PLAGL1: variants seen among roughly 807,000 people sequenced by gnomAD.
PLAGL1 encodes the protein PLAG1 like zinc finger 1.
A neutral mutation model predicts 4.6 loss-of-function variants in PLAGL1; 1 was observed. That is an observed-to-expected ratio of 0.22 (90% CI 0.08 to 1.03). The LOEUF (loss-of-function observed/expected upper bound fraction) is 1.03. PLAGL1 is among the 50% of genes least tolerant of loss of function. PLAGL1 has a pLI of 0.58. For missense variants in PLAGL1, 464 were observed against 570.4 expected (o/e 0.81, Z 1.90); for synonymous variants, 240 against 237.8 (o/e 1.01, Z -0.08).
chr6:144,058,455 A>G (rs1799151990), intron 1 of PLAGL1, among the ~76,000 whole-genome samples: 1 of 152,032 alleles, frequency 6.6e-6, no homozygotes, highest in South Asian at 2.1e-4. Context: ...CAGCCCCCCA[A>G]ATCTCATGTC....
Position 143,994,341 on chromosome 6 carries a change from T to C in PLAGL1, c.-583-9167A>G, listed in dbSNP as rs188400050. Among the ~76,000 whole-genome samples, 3 of 152,228 alleles carry C rather than the reference T, an allele frequency of 2.0e-5. No individual in the cohort carries two copies. Among genetic ancestry groups the C allele is most frequent in the African/African-American group, 7.2e-5 (3 of 41,450 alleles). On this transcript the variant is annotated intron_variant, in intron 1 of 7. Coordinates refer to ENST00000674357, the MANE Select transcript of PLAGL1 (RefSeq NM_001317162.2). This position sits in a 1 kb window ranked among gnomAD's most constrained non-coding sequence, Gnocchi z 4.3. ...CTTCACAGTGCATGGGATGTCCACA[T>C]GTTCTGCACTGTGTCATCTGAGAAT... is the stretch of plus-strand genomic sequence containing the variant.
Position 144,027,416 on chromosome 6 carries a change from G to A in PLAGL1, c.-151+37052C>T, listed in dbSNP as rs1042425714. On this transcript the variant is annotated intron_variant, in intron 1 of 3. Coordinates refer to the PLAGL1 transcript ENST00000437412. The surrounding 1 kb of genome is among the most constrained non-coding windows in gnomAD (Gnocchi z 5.8). ...TACAATCCCATGAGAAACAGCTAGGGAAGAAGAGAAAACAGGACAAACTAG... is the reference window on the plus strand; with the variant it reads ...TACAATCCCATGAGAAACAGCTAGGAAAGAAGAGAAAACAGGACAAACTAG... 5.9e-5 allele frequency among the ~76,000 whole-genome samples: 9 copies of A among 152,112 alleles called. No individual in the cohort carries two copies. The highest frequency in any genetic ancestry group is 2.2e-4 in the African/African-American group (9 of 41,432).
At chr6:143,956,941 G>A (rs1324949243) in intron 6 of PLAGL1, among the ~76,000 whole-genome samples, 1 of 152,182 alleles carries the variant, frequency 6.6e-6, no homozygotes, top group Non-Finnish European at 1.5e-5. Context: ...TTCCACCACT[G>A]GCCTTCCTCA....
rs1554277699 is a variant in PLAGL1, at chr6:144,027,242, A to AGAACGAACGAAC, written c.-151+37225_-151+37226insGTTCGTTCGTTC. On this transcript the variant is annotated intron_variant, in intron 1 of 3. Coordinates refer to the PLAGL1 transcript ENST00000437412. The surrounding 1 kb of genome is among the most constrained non-coding windows in gnomAD (Gnocchi z 5.8). ...CCAACTCAAAGAACGAACGAAAGAA[A>AGAACGAACGAAC]GAAAGAAAGAAAGAAAGAAAGAAAG... Among the ~76,000 whole-genome samples, 4 of 86,164 alleles carry AGAACGAACGAAC rather than the reference A, an allele frequency of 4.6e-5. No homozygotes were observed. Among genetic ancestry groups the AGAACGAACGAAC allele is most frequent in the Non-Finnish European group, 1.0e-4 (4 of 38,586 alleles). The allele number at this position is 86,164 out of a possible 152,430, so 56.5% of individuals were successfully genotyped here.
Position 143,990,380 on chromosome 6 carries a change from A to C in PLAGL1, c.-583-5206T>G, listed in dbSNP as rs1167412914. Among the ~76,000 whole-genome samples the C allele has an allele frequency of 6.6e-6, 1 of 152,186 alleles. No individual in the cohort carries two copies. The highest frequency in any genetic ancestry group is 1.5e-5 in the Non-Finnish European group (1 of 68,030). On this transcript the variant is annotated intron_variant, in intron 1 of 7. Transcript: ENST00000674357. The surrounding 1 kb of genome is among the most constrained non-coding windows in gnomAD (Gnocchi z 5.4). ...GGGATCCGCCCGCCTTGGCCTCCCAAAGTGCAGGGATTACAGGTGTGAGCC... is the reference window on the plus strand; with the variant it reads ...GGGATCCGCCCGCCTTGGCCTCCCACAGTGCAGGGATTACAGGTGTGAGCC...
rs1364212379 is a variant in PLAGL1 at position 143,957,083 on chromosome 6, CTCTTGGA to C, written c.-325+3379_-325+3385del. Among the ~76,000 whole-genome samples the C allele has an allele frequency of 1.3e-5, 2 of 152,264 alleles. No individual in the cohort carries two copies. The highest frequency in any genetic ancestry group is 3.8e-4 in the East Asian group (2 of 5,204). On this transcript the variant is annotated intron_variant, in intron 6 of 7. Transcript: ENST00000674357. The surrounding 1 kb of genome is among the most constrained non-coding windows in gnomAD (Gnocchi z 4.2). ...GGAGGAAAAGAAATATTGTTGCAGA[CTCTTGGA>C]TCTTTGACAGGCCTCCTCACCTCTC...
In PLAGL1 at chr6:143,957,498, C is replaced by T. The variant is rs1029395196; in HGVS notation, c.-325+2971G>A. ...TAGGGTCTGCTTCTATAGCTGATGG[C>T]GGTGATCTCTTTTCCTGGGACTCTT... On this transcript the variant is annotated intron_variant, in intron 6 of 7. Transcript: ENST00000674357. The surrounding 1 kb of genome is among the most constrained non-coding windows in gnomAD (Gnocchi z 4.2). Among the ~76,000 whole-genome samples the T allele has an allele frequency of 6.6e-5, 10 of 152,150 alleles. No homozygotes were observed. The highest frequency in any genetic ancestry group is 1.0e-4 in the Non-Finnish European group (7 of 68,028).
chr6:144,010,576 ACTTT>A (rs536036930), upstream of PLAGL1, among the ~76,000 whole-genome samples: 4 of 152,326 alleles, frequency 2.6e-5, no homozygotes, highest in South Asian at 8.3e-4. The surrounding 1 kb of genome is among the most constrained non-coding windows in gnomAD (Gnocchi z 4.1). Flanking sequence ...GCTACCATTG[ACTTT>A]CTTCACAGAA....
At position 144,027,230 on chromosome 6, in the gene PLAGL1, C is replaced by CGAAAGAAA. The variant is rs761735778; in HGVS notation, c.-151+37237_-151+37238insTTTCTTTC. ...CAGAGAAAGACCCCAACTCAAAGAACGAACGAAAGAAAGAAAGAAAGAAAG... is the reference window on the plus strand; with the variant it reads ...CAGAGAAAGACCCCAACTCAAAGAACGAAAGAAAGAACGAAAGAAAGAAAGAAAGAAAG... On this transcript the variant is annotated intron_variant, in intron 1 of 3. Transcript: ENST00000437412. The surrounding 1 kb of genome is among the most constrained non-coding windows in gnomAD (Gnocchi z 5.8). Among the ~76,000 whole-genome samples the CGAAAGAAA allele has an allele frequency of 0.03, 2,976 of 98,572 alleles. 75 individuals are homozygous for CGAAAGAAA. The highest frequency in any genetic ancestry group is 0.056 in the African/African-American group (1,329 of 23,938). The allele number at this position is 98,572 out of a possible 152,430, so 64.7% of individuals were successfully genotyped here. A position where few individuals can be genotyped will look rare whatever the true frequency, so the allele number is the denominator to read the frequency against.
At chr6:144,026,324 A>C (rs2128703159) in intron 1 of PLAGL1, among the ~76,000 whole-genome samples, 1 of 152,346 alleles carries the variant, frequency 6.6e-6, no homozygotes, top group South Asian at 2.1e-4. Context: ...TAAATCTTAG[A>C]GAAAAGATTT....
intron 7 of PLAGL1, among the ~76,000 whole-genome samples, chr6:143,944,960 T>G (rs1387203100): frequency 6.6e-6 from 1 of 152,122 alleles, no homozygotes; most frequent in Non-Finnish European, 1.5e-5. Context: ...TCCTACGCAC[T>G]CTTTCCTGTC....
chr6:144,062,091 T>G (rs1226701752), intron 1 of PLAGL1, among the ~76,000 whole-genome samples: 2 of 152,072 alleles, frequency 1.3e-5, no homozygotes, highest in Non-Finnish European at 2.9e-5. Flanking sequence ...AAAACAGACA[T>G]CATGGGCCGG....
rs1356973306 is a variant in PLAGL1, at chr6:143,975,282, T to A, written c.-543-6304A>T. Among the ~76,000 whole-genome samples, 1 of 152,222 alleles carries A rather than the reference T, an allele frequency of 6.6e-6. No individual in the cohort carries two copies. The highest frequency in any genetic ancestry group is 1.5e-5 in the Non-Finnish European group (1 of 68,026). On this transcript the variant is annotated intron_variant, in intron 2 of 7. Transcript: ENST00000674357. The surrounding 1 kb of genome is among the most constrained non-coding windows in gnomAD (Gnocchi z 5.8). ...AGGCCAATGGGTTGTACCACTTCCA[T>A]TCAATGAGGTAGTTGCTTAAGAGTA... is the stretch of plus-strand genomic sequence containing the variant.
rs1001143260 is a variant in PLAGL1 at position 143,962,149 on chromosome 6, A to G, written c.-398-1607T>C. Among the ~76,000 whole-genome samples, 2 of 152,174 alleles carry G rather than the reference A, an allele frequency of 1.3e-5. No homozygotes were observed. The highest frequency in any genetic ancestry group is 4.8e-5 in the African/African-American group (2 of 41,412). On this transcript the variant is annotated intron_variant, in intron 5 of 7. Coordinates refer to ENST00000674357, the MANE Select transcript of PLAGL1 (RefSeq NM_001317162.2). The surrounding 1 kb of genome is among the most constrained non-coding windows in gnomAD (Gnocchi z 5.3). ...CGCCAGTCTAATGCTTAAATAGTTA[A>G]CAATGCAACAGAGAGCCCAAGGCAG...
At chr6:144,032,265 C>T (rs182782124) in intron 1 of PLAGL1, among the ~76,000 whole-genome samples, 1 of 149,376 alleles carries the variant, frequency 6.7e-6, no homozygotes, top group African/African-American at 2.5e-5. Context: ...AGACTCCAGG[C>T]ATGTGCCACC....
intron 7 of PLAGL1, among the ~76,000 whole-genome samples, chr6:143,946,227 C>G (rs1424501257): frequency 6.6e-6 from 1 of 152,222 alleles, no homozygotes; most frequent in Non-Finnish European, 1.5e-5. Context: ...CGGACCCGTG[C>G]AGCTCAAACT....
At chr6:144,010,415 C>G (rs1278966482), upstream of PLAGL1, among the ~76,000 whole-genome samples, 2 of 152,114 alleles carry the variant, frequency 1.3e-5, no homozygotes, top group Non-Finnish European at 2.9e-5. This position sits in a 1 kb window ranked among gnomAD's most constrained non-coding sequence, Gnocchi z 4.1. Context: ...AGGACCTCTT[C>G]AAGGAGAACT....
At chr6:144,042,688 T>C (rs1202632357) in intron 1 of PLAGL1, among the ~76,000 whole-genome samples, 3 of 152,204 alleles carry the variant, frequency 2.0e-5, no homozygotes, top group Non-Finnish European at 1.5e-5. Flanking sequence ...AACTTTAAAG[T>C]GGTTTTTTCC....
chr6:144,034,272 A>G lies in PLAGL1; in HGVS notation c.-151+30196T>C, dbSNP rs1050374980. ...TCTCTAGCTGCCAAGGCCCAGGCTG[A>G]CAACCCCCCAACCACACCACACCCT... On this transcript the variant is annotated intron_variant, in intron 1 of 3. Coordinates refer to the PLAGL1 transcript ENST00000437412. This position sits in a 1 kb window ranked among gnomAD's most constrained non-coding sequence, Gnocchi z 4.7. Among the ~76,000 whole-genome samples, 11 of 152,060 alleles carry G rather than the reference A, an allele frequency of 7.2e-5. No homozygotes were observed. Among genetic ancestry groups the G allele is most frequent in the Admixed American group, 3.3e-4 (5 of 15,272 alleles).
Sources: allele counts gnomAD v4.1 joint callset (sites outside exome capture counted in the v4.1 genomes callset), GRCh38; gene constraint gnomAD v4.1.1; non-coding constraint Gnocchi (gnomAD v3.1); transcripts MANE v1.5; gene names NCBI Gene and HGNC (gene_info 2026-07-23, HGNC 2026-07-21).